The following PALM2AKAP2 variants were observed in gnomAD, a reference collection of about 807,000 sequenced individuals.
PALM2AKAP2 encodes the protein PALM2-AKAP2 fusion protein.
In PALM2AKAP2, 37 loss-of-function variants were observed where a neutral mutation model predicts 71.5. The observed-to-expected ratio is 0.52, with a 90% confidence interval of 0.40 to 0.68. The LOEUF is 0.68. PALM2AKAP2 is among the 30% of genes least tolerant of loss of function. The probability of loss-of-function intolerance (pLI) is 0.00; values close to 1 mark genes in which losing one functional copy is unlikely to be tolerated. For synonymous variants in PALM2AKAP2, 468 were observed against 478.8 expected (o/e 0.98, Z 0.29); for missense variants, 1,224 against 1,191.8 (o/e 1.03, Z -0.40).
chr9:109,728,013 C>T (rs1018182926), intron 1 of PALM2AKAP2, among the ~76,000 whole-genome samples: 10 of 152,214 alleles, frequency 6.6e-5, no homozygotes, highest in Non-Finnish European at 1.3e-4. Flanking sequence ...TTCAAATACA[C>T]ACGAGAGTGT....
At chr9:110,140,176 T>G (rs1243726255) in intron 2 of PALM2AKAP2, among the ~76,000 whole-genome samples, 3 of 152,224 alleles carry the variant, frequency 2.0e-5, no homozygotes, top group Non-Finnish European at 4.4e-5. Flanking sequence ...CCTGTGATAT[T>G]CAATGGATTC....
At chr9:110,106,576 G>A (rs1472654276) in intron 1 of PALM2AKAP2, among the ~76,000 whole-genome samples, 1 of 152,118 alleles carries the variant, frequency 6.6e-6, no homozygotes. Flanking sequence ...GTGGTGATGG[G>A]TGCTTAGCTT....
intron 1 of PALM2AKAP2, among the ~76,000 whole-genome samples, chr9:109,835,964 C>T (rs980081984): frequency 2.0e-5 from 3 of 152,196 alleles, no homozygotes; most frequent in East Asian, 1.9e-4. Context: ...CAGGGCATAG[C>T]TGAACAAAAG....
At chr9:110,093,584 A>G (rs1163524068) in intron 1 of PALM2AKAP2, among the ~76,000 whole-genome samples, 1 of 152,246 alleles carries the variant, frequency 6.6e-6, no homozygotes, top group African/African-American at 2.4e-5. Flanking sequence ...AGGCTGGCAT[A>G]GCTACTCTAA....
At chr9:110,152,225 C>A (rs968023053) in intron 2 of PALM2AKAP2, among the ~76,000 whole-genome samples, 2 of 130,336 alleles carry the variant, frequency 1.5e-5, no homozygotes, top group African/African-American at 6.1e-5. Context: ...GAGCAAGACT[C>A]CATTTCAAAA....
At chr9:109,874,670 A>G (rs1829680513) in intron 2 of PALM2AKAP2, among the ~76,000 whole-genome samples, 1 of 152,190 alleles carries the variant, frequency 6.6e-6, no homozygotes, top group South Asian at 2.1e-4. Context: ...TGTCACTTTC[A>G]TTTAGAAGCC....
At chr9:110,007,099 C>A (rs960406389) in intron 6 of PALM2AKAP2, among the ~76,000 whole-genome samples, 5 of 152,034 alleles carry the variant, frequency 3.3e-5, no homozygotes, top group African/African-American at 1.2e-4. Context: ...AGAGGAGAAT[C>A]CTCCCTTTTC....
intron 6 of PALM2AKAP2, among the ~76,000 whole-genome samples, chr9:109,991,555 A>C (rs531081559): frequency 6.6e-5 from 10 of 152,088 alleles, no homozygotes; most frequent in Non-Finnish European, 1.5e-4. Context: ...CTTGGCCACC[A>C]CGTCTTTAAG....
intron 1 of PALM2AKAP2, among the ~76,000 whole-genome samples, chr9:110,099,999 C>CAT (rs772657222): frequency 6.5e-5 from 8 of 122,990 alleles, no homozygotes; most frequent in East Asian, 2.1e-4. Context: ...ATATAACATG[C>CAT]ATATATATAT....
At chr9:109,681,377 A>G (rs1036601082) in intron 1 of PALM2AKAP2, among the ~76,000 whole-genome samples, 2 of 152,232 alleles carry the variant, frequency 1.3e-5, no homozygotes, top group Non-Finnish European at 2.9e-5. Flanking sequence ...ACTCACAATA[A>G]GCTTAGAGGT....
chr9:109,882,351 C>T (rs1339816111), intron 3 of PALM2AKAP2, among the ~76,000 whole-genome samples: 2 of 152,178 alleles, frequency 1.3e-5, no homozygotes, highest in East Asian at 1.9e-4. Context: ...CTTAGGTCCT[C>T]ACATGTCTTA....
At chr9:110,116,361 T>A (rs1252297486) in intron 1 of PALM2AKAP2, among the ~76,000 whole-genome samples, 2 of 151,662 alleles carry the variant, frequency 1.3e-5, no homozygotes, top group Non-Finnish European at 2.9e-5. Flanking sequence ...AGCCCGTGTG[T>A]GCGTGTGTGT....
At chr9:109,799,741 T>C (rs1827367755) in intron 1 of PALM2AKAP2, among the ~76,000 whole-genome samples, 1 of 152,208 alleles carries the variant, frequency 6.6e-6, no homozygotes, top group Non-Finnish European at 1.5e-5. Context: ...ACAGTCCACC[T>C]GCCTCAGATT....
chr9:109,969,085 C>T (rs1832012487), intron 6 of PALM2AKAP2, among the ~76,000 whole-genome samples: 2 of 80,740 alleles, frequency 2.5e-5, no homozygotes, highest in African/African-American at 7.3e-5. Context: ...TACAAATGTG[C>T]GTGCACACAC....
chr9:109,932,866 A>G (rs977829124), intron 6 of PALM2AKAP2, among the ~76,000 whole-genome samples: 1 of 152,224 alleles, frequency 6.6e-6, no homozygotes, highest in African/African-American at 2.4e-5. Flanking sequence ...GTGTATGTTT[A>G]AAATAAATCA....
At chr9:110,168,147 T>G (rs1291052534) in intron 3 of PALM2AKAP2, among the ~76,000 whole-genome samples, 3 of 152,176 alleles carry the variant, frequency 2.0e-5, no homozygotes, top group African/African-American at 7.2e-5. Flanking sequence ...TTGCAGAACA[T>G]TTCATGAAAA....
chr9:109,759,126 G>A (rs1399727372), intron 1 of PALM2AKAP2, among the ~76,000 whole-genome samples: 1 of 152,034 alleles, frequency 6.6e-6, no homozygotes, highest in Non-Finnish European at 1.5e-5. Context: ...TAGTTTGAGA[G>A]CCAGTGTATT....
chr9:109,787,935 G>A (rs1827012405), intron 1 of PALM2AKAP2, among the ~76,000 whole-genome samples: 1 of 152,176 alleles, frequency 6.6e-6, no homozygotes, highest in South Asian at 2.1e-4. Flanking sequence ...AAGCCTATCA[G>A]CACCCCTGAG....
At chr9:109,693,257 C>T (rs1458965954) in intron 1 of PALM2AKAP2, among the ~76,000 whole-genome samples, 1 of 151,748 alleles carries the variant, frequency 6.6e-6, no homozygotes, top group African/African-American at 2.4e-5. Context: ...AATTTGTTGT[C>T]ACAAAGTTTT....
Sources: allele counts gnomAD v4.1 joint callset (sites outside exome capture counted in the v4.1 genomes callset), GRCh38; gene constraint gnomAD v4.1.1; transcripts MANE v1.5; gene names NCBI Gene and HGNC (gene_info 2026-07-23, HGNC 2026-07-21).